Variants in KHSRP observed in about 807,000 individuals in gnomAD.
KHSRP encodes KH-type splicing regulatory protein, also known as far upstream element-binding protein 2.
In KHSRP, 13 loss-of-function variants were observed where a neutral mutation model predicts 94.9. That is an observed-to-expected ratio of 0.14 (90% CI 0.09 to 0.22). KHSRP has a LOEUF of 0.22. Ranked by LOEUF, KHSRP falls within the 10% of genes least tolerant of loss-of-function variation. The pLI is 1.00. For synonymous variants in KHSRP, 495 were observed against 401.4 expected (o/e 1.23, Z -2.79); for missense variants, 710 against 1,010.0 (o/e 0.70, Z 4.03).
In KHSRP at chr19:6,423,256, G is replaced by A. The variant is rs112557020; in HGVS notation, c.250-820C>T. The stretch of plus-strand genomic sequence containing the variant: ...ATCGTGCCACTGCACCCCTGCCTGG[G>A]TGATATTGAGACTGTTTCCAAAAAA... On this transcript the variant is annotated intron_variant, in intron 1 of 18. Transcript: ENST00000600480. 4.4e-3 allele frequency among the ~76,000 whole-genome samples: 664 copies of A among 152,272 alleles called. 2 individuals are homozygous for A. Among genetic ancestry groups the A allele is most frequent in the African/African-American group, 0.015 (636 of 41,554 alleles).
In KHSRP at chr19:6,418,044, T is replaced by C; in HGVS notation, c.915A>G (p.Glu305=). The C allele has an allele frequency of 6.2e-7, 1 of 1,613,886 alleles. No individual in the cohort carries two copies. The highest frequency in any genetic ancestry group is 8.5e-7 in the Non-Finnish European group (1 of 1,179,846). Reference sequence around the variant, plus strand: ...GGTCCCCAAAGCCGCCTTGGTCACGTTCCCGGAGGATGTCCATCACCATCT... The same window carrying C: ...GGTCCCCAAAGCCGCCTTGGTCACGCTCCCGGAGGATGTCCATCACCATCT... ...ACEMVMDILR[E]RDQGGFGDRN... is the part of the protein sequence containing the mutation. The change falls in exon 10 of 19, where the codon GAA becomes GAG. Residue 305 remains glutamate (E), a synonymous_variant. Coordinates refer to ENST00000600480, the MANE Select transcript of KHSRP (RefSeq NM_001366299.1). The surrounding 1 kb of genome is among the most constrained non-coding windows in gnomAD (Gnocchi z 4.3).
In KHSRP at chr19:6,423,745, C is replaced by T. The variant is rs1048486561; in HGVS notation, c.249+708G>A. On this transcript the variant is annotated intron_variant, in intron 1 of 18. Coordinates refer to ENST00000600480, the MANE Select transcript of KHSRP (RefSeq NM_001366299.1). Reference sequence around the variant, plus strand: ...GCAAAGTCCTCCCATTCTACCGACCCCCACCCCTCCAGGCCATGGGGAGGC... The same window carrying T: ...GCAAAGTCCTCCCATTCTACCGACCTCCACCCCTCCAGGCCATGGGGAGGC... Among the ~76,000 whole-genome samples, 14 of 152,324 alleles carry T rather than the reference C, an allele frequency of 9.2e-5. No individual in the cohort carries two copies. The East Asian group carries it at 2.7e-3, about 29-fold the overall frequency.
At chr19:6,421,166 G>T in intron 4 of KHSRP, 112 bp downstream of exon 4, 1 of 980,966 alleles carries the variant, frequency 1.0e-6, no homozygotes. Context: ...AACTGGCACT[G>T]GGGGATAAAA....
chr19:6,418,836 G>C lies in KHSRP; in HGVS notation c.646C>G (p.Arg216Gly). ...TGGAACTGTCCTGGGGGGCCCCCACGACCCCGAGACACAATGTCATCCAGC... is the reference window on the plus strand; with the variant it reads ...TGGAACTGTCCTGGGGGGCCCCCACCACCCCGAGACACAATGTCATCCAGC... Reference protein sequence around the residue: ...MMLDDIVSRGRGGPPGQFHDN... With the variant: ...MMLDDIVSRGGGGPPGQFHDN... The change falls in exon 8 of 19, where the codon CGT (arginine) becomes GGT (glycine). Residue 216 changes from arginine to glycine, a missense_variant. Physicochemically the swap from Arg to Gly is moderately radical, Grantham distance 125. Around this residue, in one of 5 missense-constraint regions of KHSRP, gnomAD observed 288 missense variants for 501.1 expected, o/e 0.57. Coordinates refer to ENST00000600480, the MANE Select transcript of KHSRP (RefSeq NM_001366299.1). This position sits in a 1 kb window ranked among gnomAD's most constrained non-coding sequence, Gnocchi z 4.3. The C allele has an allele frequency of 6.4e-7, 1 of 1,561,110 alleles. No homozygotes were observed. Among genetic ancestry groups the C allele is most frequent in the African/African-American group, 1.4e-5 (1 of 72,096 alleles).
Position 6,418,354 on chromosome 19 carries a change from C to T in KHSRP, c.879+129G>A, listed in dbSNP as rs1296688272. On this transcript the variant is annotated intron_variant, in intron 9 of 18. Coordinates refer to ENST00000600480, the MANE Select transcript of KHSRP (RefSeq NM_001366299.1). This position sits in a 1 kb window ranked among gnomAD's most constrained non-coding sequence, Gnocchi z 4.3. ...GCCATCCTACGAGCCAGCGCTCTTG[C>T]AAGCCTCTTGGTGTTATGACCGACT... 1.4e-5 allele frequency: 10 copies of T among 730,280 alleles called. No homozygotes were observed. Among genetic ancestry groups the T allele is most frequent in the Non-Finnish European group, 2.3e-5 (10 of 426,698 alleles). 45.2% of individuals were successfully genotyped at this position (730,280 alleles called of 1,614,324 possible).
In KHSRP at chr19:6,415,008, G is replaced by A. The variant is rs1462559398; in HGVS notation, c.*16C>T. ...ACTCCCGGAGACCTCCGGCCACACGGCCCCCGCTGCAGGCATCAAGGGCAC... is the reference window on the plus strand; with the variant it reads ...ACTCCCGGAGACCTCCGGCCACACGACCCCCGCTGCAGGCATCAAGGGCAC... On this transcript the variant is annotated 3_prime_UTR_variant, in exon 19 of 19. Transcript: ENST00000600480. The A allele has an allele frequency of 6.9e-7, 1 of 1,455,016 alleles. No individual in the cohort carries two copies. Among genetic ancestry groups the A allele is most frequent in the East Asian group, 2.5e-5 (1 of 40,480 alleles). 90.1% of individuals were successfully genotyped at this position (1,455,016 alleles called of 1,614,324 possible).
At position 6,413,218 on chromosome 19, in the gene KHSRP, A is replaced by C. The variant is rs547839359; in HGVS notation, c.*1806T>G. 406 of 159,160 alleles carry C rather than the reference A, an allele frequency of 2.6e-3. 1 individual carries two copies. The highest frequency in any genetic ancestry group is 3.9e-3 in the Non-Finnish European group (279 of 71,804). The allele number at this position is 159,160 out of a possible 1,614,324, so 9.9% of individuals were successfully genotyped here. A position where few individuals can be genotyped will look rare whatever the true frequency, so the allele number is the denominator to read the frequency against. The stretch of plus-strand genomic sequence containing the variant: ...TTTATATTTTTCTTAAAAAAAAAAA[A>C]ACACAAAGTTTGTAAATTTCAATCA... On this transcript the variant is annotated 3_prime_UTR_variant, in exon 19 of 19. Coordinates refer to ENST00000600480, the MANE Select transcript of KHSRP (RefSeq NM_001366299.1).
At chr19:6,422,499 T>A in intron 1 of KHSRP, 63 bp from the exon 2 acceptor site, 1 of 1,224,804 alleles carries the variant, frequency 8.2e-7, no homozygotes, top group Non-Finnish European at 1.2e-6. Flanking sequence ...GGCACCCAGG[T>A]CAACTTCTCA....
In KHSRP at chr19:6,415,688, G is replaced by C. The variant is rs1286356107; in HGVS notation, c.1734C>G (p.Ala578=). The C allele has an allele frequency of 1.3e-6, 2 of 1,547,828 alleles. No homozygotes were observed. The highest frequency in any genetic ancestry group is 3.9e-5 in the Admixed American group (2 of 50,894). ...AAADPNAAWA[A]YYSHYYQQPP... is the part of the protein sequence containing the mutation. ...GCTGCTGGTAGTAGTGTGAGTAGTA[G>C]GCGGCCCACGCGGCGTTGGGGTCCG... The change falls in exon 17 of 19, where the codon GCC becomes GCG. Residue 578 remains alanine (A), a synonymous_variant. Transcript: ENST00000600480.
In KHSRP at chr19:6,418,322, G is replaced by A. The variant is rs900046884; in HGVS notation, c.879+161C>T. 6.6e-6 allele frequency among the ~76,000 whole-genome samples: 1 copy of A among 152,182 alleles called. No individual in the cohort carries two copies. Among genetic ancestry groups the A allele is most frequent in the African/African-American group, 2.4e-5 (1 of 41,436 alleles). On this transcript the variant is annotated intron_variant, in intron 9 of 18. Coordinates refer to ENST00000600480, the MANE Select transcript of KHSRP (RefSeq NM_001366299.1). This position sits in a 1 kb window ranked among gnomAD's most constrained non-coding sequence, Gnocchi z 4.3. Reference sequence around the variant, plus strand: ...CTCACACACACAAAGCTGGGAGTCAGTTCAGGGCCATCCTACGAGCCAGCG... The same window carrying A: ...CTCACACACACAAAGCTGGGAGTCAATTCAGGGCCATCCTACGAGCCAGCG...
At position 6,417,771 on chromosome 19, in the gene KHSRP, T is replaced by C; in HGVS notation, c.1049A>G (p.Asn350Ser). The change falls in exon 11 of 19, where the codon AAT becomes AGT. Residue 350 changes from asparagine (N) to serine (S), a missense_variant. This residue lies in a region of KHSRP where 288 missense variants were observed against 501.1 expected (regional missense o/e 0.57). Coordinates refer to ENST00000600480, the MANE Select transcript of KHSRP (RefSeq NM_001366299.1). ...GAACTGTATCCGCACGCCAGCATCA[T>C]TCTGGATCTTCTTGATCATCTCTCC... The part of the protein sequence containing the change: ...RSGEMIKKIQ[N>S]DAGVRIQFKQ... 6.2e-7 allele frequency: 1 copy of C among 1,613,948 alleles called. No homozygotes were observed. Among genetic ancestry groups the C allele is most frequent in the Non-Finnish European group, 8.5e-7 (1 of 1,179,842 alleles).
Position 6,424,659 on chromosome 19 carries a change from G to A in KHSRP, c.43C>T (p.Pro15Ser). 9.8e-7 allele frequency: 1 copy of A among 1,022,486 alleles called. No homozygotes were observed. Among genetic ancestry groups the A allele is most frequent in the African/African-American group, 1.7e-5 (1 of 57,264 alleles). The allele number at this position is 1,022,486 out of a possible 1,614,324, so 63.3% of individuals were successfully genotyped here. ...GCTCCCCCGCCCCCGCCGGCGGGCG[G>A]CGGCGGCCCGGGCGGGGGTCCTCCC... ...STGGPPPGPP[P>S]PAGGGGGAGG... The change falls in exon 1 of 19, where the codon CCG becomes TCG. Residue 15 changes from proline (P) to serine (S), a missense_variant. Transcript: ENST00000600480.
chr19:6,417,200 G>C (rs879117902), intron 11 of KHSRP, 113 bp from the exon 12 acceptor site: 6 of 772,338 alleles, frequency 7.8e-6, no homozygotes, highest in Non-Finnish European at 1.2e-5. Flanking sequence ...TCTCAGACGC[G>C]CTGCGCCGCT....
rs1254657218 is a variant in KHSRP at position 6,413,240 on chromosome 19, A to G, written c.*1784T>C. On this transcript the variant is annotated 3_prime_UTR_variant, in exon 19 of 19. Transcript: ENST00000600480. ...AAAAACACAAAGTTTGTAAATTTCA[A>G]TCACCATTATCAGGCTTTTTAAACA... 6.5e-6 allele frequency: 1 copy of G among 155,026 alleles called. No homozygotes were observed. Among genetic ancestry groups the G allele is most frequent in the Non-Finnish European group, 1.4e-5 (1 of 69,840 alleles). The allele number at this position is 155,026 out of a possible 1,614,324, so 9.6% of individuals were successfully genotyped here.
chr19:6,419,141 A>T (rs1331683675), intron 7 of KHSRP, 62 bp downstream of exon 7: 27 of 1,478,590 alleles, frequency 1.8e-5, no homozygotes, highest in Non-Finnish European at 2.4e-5. Flanking sequence ...TTCAATTCAA[A>T]CGGACAGAGC....
Position 6,415,709 on chromosome 19 carries a change from G to A in KHSRP, c.1713C>T (p.Asp571=), listed in dbSNP as rs1464784667. The change falls in exon 17 of 19, where the codon GAC becomes GAT. Residue 571 remains aspartate, a synonymous_variant. Coordinates refer to ENST00000600480, the MANE Select transcript of KHSRP (RefSeq NM_001366299.1). ...DPSKAAAAAA[D]PNAAWAAYYS... is the part of the protein sequence containing the mutation. ...AGTAGGCGGCCCACGCGGCGTTGGGGTCCGCGGCCGCTGCAGCTGCTTTGC... is the reference window on the plus strand; with the variant it reads ...AGTAGGCGGCCCACGCGGCGTTGGGATCCGCGGCCGCTGCAGCTGCTTTGC... The A allele has an allele frequency of 6.5e-7, 1 of 1,549,466 alleles. No individual in the cohort carries two copies. The highest frequency in any genetic ancestry group is 2.0e-5 in the Admixed American group (1 of 50,976).
chr19:6,421,361 T>A (rs1446488915), intron 3 of KHSRP, 44 bp from the exon 4 acceptor site: 16 of 1,563,340 alleles, frequency 1.0e-5, no homozygotes, highest in Non-Finnish European at 1.4e-5. Context: ...TAGCTCCTCC[T>A]CGGGCACTTG....
At chr19:6,421,353 G>C in intron 3 of KHSRP, 36 bp from the exon 4 acceptor site, 1 of 1,569,394 alleles carries the variant, frequency 6.4e-7, no homozygotes, top group East Asian at 2.4e-5. Flanking sequence ...GACTGGCTTA[G>C]CTCCTCCTCG....
Position 6,417,732 on chromosome 19 carries a change from C to A in KHSRP, c.1081+7G>T. On this transcript the variant is annotated splice_region_variant and intron_variant, in intron 11 of 18. Transcript: ENST00000600480. ...CTGGCCAGGGGCAGGGTGGGCCAGG[C>A]CCTGACCTTGCTTGAACTGTATCCG... The A allele has an allele frequency of 6.2e-7, 1 of 1,612,206 alleles. No individual in the cohort carries two copies. Among genetic ancestry groups the A allele is most frequent in the Non-Finnish European group, 8.5e-7 (1 of 1,178,572 alleles).
Sources: gnomAD v4.1 joint callset for allele counts (sites outside exome capture counted in the v4.1 genomes callset) on GRCh38, gnomAD v4.1.1 for gene constraint, gnomAD v4.1.1 regional missense constraint, Gnocchi (gnomAD v3.1) non-coding constraint, MANE v1.5 for transcripts, NCBI Gene and HGNC (gene_info 2026-07-23, HGNC 2026-07-21) for gene names.